The following FMNL2 variants were observed in gnomAD, a reference collection of about 807,000 sequenced individuals.
FMNL2 encodes formin like 2.
FMNL2 carries 51 observed loss-of-function variants against 130.2 expected under a neutral mutation model. That is an observed-to-expected ratio of 0.39 (90% confidence interval 0.31 to 0.49). The LOEUF is 0.49. Ranked by LOEUF, FMNL2 falls within the 20% of genes least tolerant of loss-of-function variation. The pLI is 0.85. For synonymous variants in FMNL2, 465 were observed against 467.1 expected, an observed-to-expected ratio of 1.00 and a Z score of 0.06; for missense variants, 977 against 1,316.2, an observed-to-expected ratio of 0.74 and a Z score of 3.99.
intron 1 of FMNL2, among the ~76,000 whole-genome samples, chr2:152,487,055 A>G (rs561633954): frequency 7.9e-5 from 12 of 152,232 alleles, no homozygotes; most frequent in Non-Finnish European, 1.6e-4. Flanking sequence ...TATTGAGTAT[A>G]TACTCTGTGT....
intron 15 of FMNL2, 44 bp downstream of exon 15, chr2:152,619,762 C>G (rs372476243): frequency 1.3e-6 from 2 of 1,579,044 alleles, no homozygotes. Context: ...ATCAGAAATG[C>G]TGTCTTATCT....
At chr2:152,498,336 T>C (rs1198363541) in intron 1 of FMNL2, among the ~76,000 whole-genome samples, 1 of 152,238 alleles carries the variant, frequency 6.6e-6, no homozygotes, top group African/African-American at 2.4e-5. Flanking sequence ...CCATGAGATG[T>C]AGAGTTTTTG....
At chr2:152,349,082 G>T (rs1413191044) in intron 1 of FMNL2, among the ~76,000 whole-genome samples, 1 of 125,578 alleles carries the variant, frequency 8.0e-6, no homozygotes, top group Non-Finnish European at 1.7e-5. Context: ...TGATCCACCC[G>T]CCTCGGCCTC....
chr2:152,499,416 TTTGGGTTG>T (rs1028788352), intron 1 of FMNL2, among the ~76,000 whole-genome samples: 22 of 152,240 alleles, frequency 1.4e-4, no homozygotes, highest in African/African-American at 4.8e-4. Flanking sequence ...AAGCTGAGTG[TTTGGGTTG>T]TTGTGATTGC....
At chr2:152,352,120 A>G (rs1275252016) in intron 1 of FMNL2, among the ~76,000 whole-genome samples, 1 of 152,196 alleles carries the variant, frequency 6.6e-6, no homozygotes, top group Non-Finnish European at 1.5e-5. Context: ...CCTGCTTGCC[A>G]GTAGGTTTAC....
At chr2:152,521,447 CAG>C (rs1693080319) in intron 1 of FMNL2, among the ~76,000 whole-genome samples, 1 of 151,894 alleles carries the variant, frequency 6.6e-6, no homozygotes, top group East Asian at 1.9e-4. Context: ...TGTCATCTCA[CAG>C]AGGGGACAAA....
At chr2:152,526,609 T>A (rs958514481) in intron 2 of FMNL2, among the ~76,000 whole-genome samples, 6 of 152,244 alleles carry the variant, frequency 3.9e-5, no homozygotes, top group African/African-American at 1.4e-4. Flanking sequence ...GTTAAATTGG[T>A]TATATTTTTA....
chr2:152,636,745 T>C (rs191678225), intron 22 of FMNL2, among the ~76,000 whole-genome samples, 155 bp downstream of exon 22: 5 of 152,278 alleles, frequency 3.3e-5, no homozygotes, highest in Non-Finnish European at 7.4e-5. Flanking sequence ...GGGGGACCAT[T>C]CCCAGGGTTA....
At chr2:152,577,270 C>T (rs1696529562) in intron 7 of FMNL2, among the ~76,000 whole-genome samples, 1 of 152,016 alleles carries the variant, frequency 6.6e-6, no homozygotes, top group African/African-American at 2.4e-5. Context: ...TTGTCTTGGG[C>T]ACCTGTGAGA....
chr2:152,447,151 G>T (rs1688389585), intron 1 of FMNL2, among the ~76,000 whole-genome samples: 1 of 151,750 alleles, frequency 6.6e-6, no homozygotes, highest in Non-Finnish European at 1.5e-5. Context: ...CAGGCTGTAG[G>T]GTAGAGTGGT....
At chr2:152,646,344 C>T in intron 25 of FMNL2, among the ~76,000 whole-genome samples, 1 of 962 alleles carries the variant, frequency 1.0e-3, no homozygotes, top group Admixed American at 0.083. Context: ...CCCCCGCCCA[C>T]CCCCCCAGAA....
chr2:152,435,724 C>G (rs946613805), intron 1 of FMNL2, among the ~76,000 whole-genome samples: 4 of 152,136 alleles, frequency 2.6e-5, no homozygotes, highest in African/African-American at 9.7e-5. Flanking sequence ...ACAGATATAG[C>G]TAGTTGAATT....
Position 152,607,259 on chromosome 2 carries a change from A to G in FMNL2, c.877-80A>G, listed in dbSNP as rs1230884129. 4.4e-6 allele frequency: 5 copies of G among 1,143,556 alleles called. No homozygotes were observed. In the African/African-American group the frequency reaches 6.1e-5, roughly 14 times the overall value. The allele number at this position is 1,143,556 out of a possible 1,614,324, so 70.8% of individuals were successfully genotyped here. A position where few individuals can be genotyped will look rare whatever the true frequency, so the allele number is the denominator to read the frequency against. ...AAAGATAGATATTCTGGAAATCATTATTAAGCTGAAATTTCTGCATCTAAT... is the reference window on the plus strand; with the variant it reads ...AAAGATAGATATTCTGGAAATCATTGTTAAGCTGAAATTTCTGCATCTAAT... On this transcript the variant is annotated intron_variant, in intron 9 of 25. Coordinates refer to ENST00000288670, the MANE Select transcript of FMNL2 (RefSeq NM_052905.4).
Position 152,619,087 on chromosome 2 carries a change from G to A in FMNL2, c.1556G>A (p.Gly519Glu). The change falls in exon 14 of 26, where the codon GGG becomes GAG. Residue 519 changes from glycine to glutamate, a missense_variant. Gly to Glu is a moderately conservative substitution (Grantham distance 98). Around this residue, in one of 4 missense-constraint regions of FMNL2, gnomAD observed 689 missense variants for 995.9 expected, o/e 0.69. Transcript: ENST00000288670. ...GGTAACTCTGTGGGACCCACAATGG[G>A]GGCCGCTTCCTCAGGACCCTTGCCC... ...VAGNSVGPTMGAASSGPLPPP... is the reference protein window; with the variant it reads ...VAGNSVGPTMEAASSGPLPPP... The A allele has an allele frequency of 1.9e-6, 3 of 1,612,528 alleles. No individual in the cohort carries two copies. The highest frequency in any genetic ancestry group is 1.1e-5 in the South Asian group (1 of 91,014).
chr2:152,387,617 C>T (rs376961185), intron 1 of FMNL2, among the ~76,000 whole-genome samples: 26 of 152,026 alleles, frequency 1.7e-4, no homozygotes, highest in Non-Finnish European at 3.7e-4. Flanking sequence ...AGTTTGAACT[C>T]CATGTCTGGT....
intron 9 of FMNL2, among the ~76,000 whole-genome samples, chr2:152,601,975 C>T (rs371957612): frequency 1.3e-5 from 2 of 152,156 alleles, no homozygotes; most frequent in Non-Finnish European, 2.9e-5. Flanking sequence ...TGGCCTAAGG[C>T]TCTCAACTTG....
At chr2:152,456,923 T>G in intron 1 of FMNL2, among the ~76,000 whole-genome samples, 1 of 139,364 alleles carries the variant, frequency 7.2e-6, no homozygotes, top group East Asian at 2.1e-4. Context: ...GATGACAGAG[T>G]GAGACTCCCT....
intron 6 of FMNL2, among the ~76,000 whole-genome samples, chr2:152,562,223 G>T (rs1695571409): frequency 6.6e-6 from 1 of 152,084 alleles, no homozygotes; most frequent in African/African-American, 2.4e-5. Flanking sequence ...CCAAAATGTT[G>T]CTTATTCTTT....
intron 2 of FMNL2, among the ~76,000 whole-genome samples, chr2:152,535,443 A>T (rs1693945434): frequency 6.6e-6 from 1 of 152,226 alleles, no homozygotes; most frequent in African/African-American, 2.4e-5. Flanking sequence ...AGAGGATCAC[A>T]TATGGCTCTT....
Sources: gnomAD v4.1 joint callset for allele counts (sites outside exome capture counted in the v4.1 genomes callset) on GRCh38, gnomAD v4.1.1 for gene constraint, gnomAD v4.1.1 regional missense constraint, MANE v1.5 for transcripts, NCBI Gene and HGNC (gene_info 2026-07-23, HGNC 2026-07-21) for gene names.